Variants in SLC24A3 observed in about 807,000 individuals in gnomAD.
SLC24A3 encodes the protein solute carrier family 24 member 3.
In SLC24A3, 28 loss-of-function variants were observed where a neutral mutation model predicts 75.8. The ratio of observed to expected loss-of-function variants is 0.37; its 90% confidence interval spans 0.27 to 0.51. SLC24A3 has a LOEUF of 0.51. SLC24A3 is among the 20% of genes least tolerant of loss of function. The pLI, the probability that SLC24A3 is intolerant of heterozygous loss-of-function variation, is 0.94. For synonymous variants in SLC24A3, 372 were observed against 334.1 expected (o/e 1.11, Z -1.24); for missense variants, 663 against 847.8 (o/e 0.78, Z 2.71).
intron 3 of SLC24A3, among the ~76,000 whole-genome samples, chr20:19,568,652 G>A (rs2031000457): frequency 6.6e-6 from 1 of 152,176 alleles, no homozygotes; most frequent in Non-Finnish European, 1.5e-5. Context: ...TTCAATCTGG[G>A]AAAATGAGAA....
chr20:19,682,103 A>G (rs2071556748), intron 10 of SLC24A3, 112 bp downstream of exon 10: 1 of 1,247,776 alleles, frequency 8.0e-7, no homozygotes, highest in Non-Finnish European at 1.1e-6. Context: ...AAATACAACA[A>G]AATTAACCAG....
intron 3 of SLC24A3, among the ~76,000 whole-genome samples, chr20:19,528,974 G>A (rs1230873678): frequency 1.3e-5 from 2 of 152,074 alleles, no homozygotes; most frequent in East Asian, 3.9e-4. Context: ...CTCCTTTTTA[G>A]AGGATCAAAC....
At chr20:19,370,345 T>C (rs1437272612) in intron 2 of SLC24A3, among the ~76,000 whole-genome samples, 1 of 152,246 alleles carries the variant, frequency 6.6e-6, no homozygotes, top group African/African-American at 2.4e-5. Context: ...GACTGTATAA[T>C]ACATTTCATC....
intron 3 of SLC24A3, among the ~76,000 whole-genome samples, chr20:19,579,590 T>C (rs184781008): frequency 5.9e-4 from 90 of 152,336 alleles, no homozygotes; most frequent in African/African-American, 2.1e-3. Context: ...TAACATATAA[T>C]GTATCAGGAA....
chr20:19,656,156 A>G (rs535606610), intron 7 of SLC24A3, among the ~76,000 whole-genome samples: 356 of 152,216 alleles, frequency 2.3e-3, no homozygotes, highest in Non-Finnish European at 4.3e-3. Context: ...TCCCTGCGGA[A>G]CCAGACAGGT....
At chr20:19,702,929 A>G (rs1264481801) in intron 15 of SLC24A3, among the ~76,000 whole-genome samples, 5 of 152,234 alleles carry the variant, frequency 3.3e-5, no homozygotes, top group African/African-American at 1.2e-4. Context: ...CTAGGAAGCC[A>G]TGATTTGGTT....
At chr20:19,455,897 T>C (rs1318006375) in intron 2 of SLC24A3, among the ~76,000 whole-genome samples, 1 of 152,260 alleles carries the variant, frequency 6.6e-6, no homozygotes, top group African/African-American at 2.4e-5. Context: ...AATATATAAT[T>C]GGTTCCTTAA....
At chr20:19,239,120 T>TAAA (rs11480954) in intron 1 of SLC24A3, among the ~76,000 whole-genome samples, 5 of 141,110 alleles carry the variant, frequency 3.5e-5, no homozygotes, top group African/African-American at 1.0e-4. Flanking sequence ...AAGCTTATTT[T>TAAA]AAAAAAAAAA....
At chr20:19,237,429 C>G (rs1020685899) in intron 1 of SLC24A3, among the ~76,000 whole-genome samples, 4 of 152,186 alleles carry the variant, frequency 2.6e-5, no homozygotes, top group Admixed American at 6.5e-5. Flanking sequence ...TCTGAGAAGG[C>G]CTGGTGTGCC....
intron 3 of SLC24A3, among the ~76,000 whole-genome samples, chr20:19,578,055 G>C (rs890210614): frequency 6.6e-6 from 1 of 152,178 alleles, no homozygotes; most frequent in Non-Finnish European, 1.5e-5. Flanking sequence ...GGACCCTGGG[G>C]CTACGTTAGT....
At chr20:19,667,155 GGAGA>G (rs2032408328) in intron 8 of SLC24A3, among the ~76,000 whole-genome samples, 1 of 152,154 alleles carries the variant, frequency 6.6e-6, no homozygotes, top group African/African-American at 2.4e-5. Flanking sequence ...AGGGGGCAGT[GGAGA>G]ACCCATCACA....
At chr20:19,567,139 C>G (rs2030971309) in intron 3 of SLC24A3, among the ~76,000 whole-genome samples, 1 of 152,190 alleles carries the variant, frequency 6.6e-6, no homozygotes, top group East Asian at 1.9e-4. Context: ...ATCATTCGAC[C>G]TAGCAATCCT....
chr20:19,418,936 G>A (rs1054452547), intron 2 of SLC24A3, among the ~76,000 whole-genome samples: 2 of 152,072 alleles, frequency 1.3e-5, no homozygotes, highest in Admixed American at 1.3e-4. Flanking sequence ...TAATGAATCA[G>A]ACATGTTTCA....
At chr20:19,594,221 A>G (rs1339584421) in intron 6 of SLC24A3, among the ~76,000 whole-genome samples, 1 of 151,514 alleles carries the variant, frequency 6.6e-6, no homozygotes, top group Non-Finnish European at 1.5e-5. Flanking sequence ...ACTGGTGTCC[A>G]CTGAAGACTC....
At chr20:19,216,682 TA>T (rs35863540) in intron 1 of SLC24A3, among the ~76,000 whole-genome samples, 30,398 of 152,170 alleles carry the variant, frequency 0.2, 3,205 homozygotes, top group Non-Finnish European at 0.24. Flanking sequence ...CATATGTACA[TA>T]TACCTATGTG....
At chr20:19,698,728 C>A in intron 15 of SLC24A3, 48 bp downstream of exon 15, 1 of 1,441,970 alleles carries the variant, frequency 6.9e-7, no homozygotes, top group Non-Finnish European at 9.6e-7. Context: ...GGCTACGTGA[C>A]TGTGTTTTAA....
intron 3 of SLC24A3, among the ~76,000 whole-genome samples, chr20:19,568,933 C>G (rs1431457547): frequency 6.6e-6 from 1 of 152,158 alleles, no homozygotes. Flanking sequence ...GATGCAGCCC[C>G]TCTCGGAGTT....
rs192628755 is a variant in SLC24A3, at chr20:19,474,602, T to A, written c.272-40886T>A. On this transcript the variant is annotated intron_variant, in intron 2 of 16. Transcript: ENST00000328041. ...TGAAAGAAAAATATTTTAGGAACAT[T>A]TTTATTTTTTCTGTATTGTATGTAT... Among the ~76,000 whole-genome samples, 19 of 152,186 alleles carry A rather than the reference T, an allele frequency of 1.2e-4. No homozygotes were observed. In the East Asian group the frequency reaches 3.7e-3, roughly 29 times the overall value.
At chr20:19,545,787 CTGA>C (rs2030578729) in intron 3 of SLC24A3, among the ~76,000 whole-genome samples, 1 of 152,140 alleles carries the variant, frequency 6.6e-6, no homozygotes, top group Non-Finnish European at 1.5e-5. Context: ...TTTGCTTTTC[CTGA>C]TGTAAATGGA....
Sources: gnomAD v4.1 joint callset for allele counts (sites outside exome capture counted in the v4.1 genomes callset) on GRCh38, gnomAD v4.1.1 for gene constraint, MANE v1.5 for transcripts, NCBI Gene and HGNC (gene_info 2026-07-23, HGNC 2026-07-21) for gene names.